Variants in ATAD2B observed in about 807,000 individuals in gnomAD.
ATAD2B encodes ATPase family AAA domain-containing protein 2B.
A neutral mutation model predicts 167.6 loss-of-function variants in ATAD2B; 40 were observed. The observed-to-expected ratio is 0.24, with a 90% CI of 0.19 to 0.31. The LOEUF is 0.31. Among genes scored for constraint, ATAD2B ranks in the 10% least tolerant of loss-of-function variants. ATAD2B has a pLI of 1.00. For synonymous variants in ATAD2B, 579 were observed against 596.5 expected (o/e 0.97, Z 0.43); for missense variants, 1,242 against 1,757.2 (o/e 0.71, Z 5.24).
chr2:23,680,511 C>T, the ATAD2B span, among the ~76,000 whole-genome samples: 5 of 152,294 alleles, frequency 3.3e-5, no homozygotes, highest in Non-Finnish European at 4.4e-5. The surrounding 1 kb of genome is among the most constrained non-coding windows in gnomAD (Gnocchi z 4.1). Context: ...CCTCTGGGGC[C>T]GACCAACAGG....
In ATAD2B at chr2:23,782,932, G is replaced by A. The variant is rs771762625; in HGVS notation, c.3070C>T (p.Leu1024=). The part of the protein sequence containing the change: ...KHNYLTAKDF[L]KDIDLICSNA... ...CTACAGATGAGGTCAATATCTTTCA[G>A]GAAATCCTTTGCAGTCAGGTAATTA... The change falls in exon 22 of 28, where the codon CTG becomes TTG. Residue 1024 remains leucine, a synonymous_variant. Coordinates refer to ENST00000238789, the MANE Select transcript of ATAD2B (RefSeq NM_017552.4). 3 of 1,611,744 alleles carry A rather than the reference G, an allele frequency of 1.9e-6. No individual in the cohort carries two copies. Among genetic ancestry groups the A allele is most frequent in the South Asian group, 2.2e-5 (2 of 90,940 alleles).
At chr2:23,808,079 A>AATTATATATATAATTATATATATAAGTC in intron 18 of ATAD2B, among the ~76,000 whole-genome samples, 1 of 134,514 alleles carries the variant, frequency 7.4e-6, no homozygotes, top group Non-Finnish European at 1.6e-5. Flanking sequence ...ATATATAAGT[A>AATTATATATATAATTATATATATAAGTC]ATTATATATA....
At chr2:23,761,515 G>A (rs926286599) in intron 24 of ATAD2B, among the ~76,000 whole-genome samples, 2 of 152,236 alleles carry the variant, frequency 1.3e-5, no homozygotes, top group East Asian at 3.9e-4. Context: ...AACACTTCTG[G>A]GTCCCAAGCA....
At chr2:23,682,389 C>G in the ATAD2B span, among the ~76,000 whole-genome samples, 1 of 152,156 alleles carries the variant, frequency 6.6e-6, no homozygotes, top group African/African-American at 2.4e-5. The surrounding 1 kb of genome is among the most constrained non-coding windows in gnomAD (Gnocchi z 4.1). Context: ...TGCAGGTTCA[C>G]CCTCAGGTCT....
Position 23,863,371 on chromosome 2 carries a change from T to C in ATAD2B, c.1479+10A>G. The C allele has an allele frequency of 6.5e-7, 1 of 1,546,636 alleles. No homozygotes were observed. The highest frequency in any genetic ancestry group is 1.2e-5 in the South Asian group (1 of 82,994). On this transcript the variant is annotated intron_variant, in intron 12 of 27. Coordinates refer to ENST00000238789, the MANE Select transcript of ATAD2B (RefSeq NM_017552.4). ...CAGAAAAGACTCTTGAATTAGATGA[T>C]TTCTCTTACCTGATCAAAAAGAAGC...
At chr2:23,903,950 G>C (rs1701151076) in intron 1 of ATAD2B, among the ~76,000 whole-genome samples, 1 of 152,082 alleles carries the variant, frequency 6.6e-6, no homozygotes. Flanking sequence ...TGGTGGTGGT[G>C]GTGGTGGTGG....
chr2:23,727,853 AG>A, the ATAD2B span, among the ~76,000 whole-genome samples: 1 of 152,342 alleles, frequency 6.6e-6, no homozygotes. Context: ...GTAACATTCT[AG>A]AAAGACAAAA....
the ATAD2B span, among the ~76,000 whole-genome samples, chr2:23,709,750 T>C: frequency 2.6e-5 from 4 of 152,090 alleles, no homozygotes; most frequent in African/African-American, 7.2e-5. Context: ...CAAATAAATA[T>C]TTGCAGTGAT....
At chr2:23,888,234 C>T in intron 3 of ATAD2B, 116 bp downstream of exon 3, 2 of 772,664 alleles carry the variant, frequency 2.6e-6, no homozygotes, top group Middle Eastern at 2.9e-4. Flanking sequence ...GAAATTCAGC[C>T]ATTTCCAACT....
rs1704426433 is a variant in ATAD2B, at chr2:23,924,472, T to A, written c.216+2083A>T. On this transcript the variant is annotated intron_variant, in intron 1 of 27. Coordinates refer to ENST00000238789, the MANE Select transcript of ATAD2B (RefSeq NM_017552.4). ...ACTGGAGAAGAGCTAACCAGAAATA[T>A]ACAACCTGCTTCATAAATATATAGT... 2.6e-5 allele frequency among the ~76,000 whole-genome samples: 4 copies of A among 152,268 alleles called. No homozygotes were observed. In the South Asian group the frequency reaches 8.3e-4, roughly 32 times the overall value.
chr2:23,731,113 T>C, the ATAD2B span, among the ~76,000 whole-genome samples: 5 of 152,156 alleles, frequency 3.3e-5, no homozygotes, highest in Admixed American at 1.3e-4. Flanking sequence ...AGCATCATAA[T>C]AGCAATGCAT....
the ATAD2B span, among the ~76,000 whole-genome samples, chr2:23,729,573 A>AT: frequency 6.6e-6 from 1 of 152,176 alleles, no homozygotes; most frequent in Non-Finnish European, 1.5e-5. Context: ...GTTTTATGGA[A>AT]TAAGATGTTA....
chr2:23,770,040 T>C (rs1678077570), intron 22 of ATAD2B, among the ~76,000 whole-genome samples: 1 of 151,594 alleles, frequency 6.6e-6, no homozygotes, highest in Admixed American at 6.6e-5. Flanking sequence ...CCGGACACAG[T>C]AGCTCACATC....
intron 2 of ATAD2B, among the ~76,000 whole-genome samples, chr2:23,895,129 C>G (rs1184644396): frequency 6.6e-6 from 1 of 151,902 alleles, no homozygotes; most frequent in Non-Finnish European, 1.5e-5. Flanking sequence ...TTTAAAGAAC[C>G]CTTTAGTTCC....
downstream of ATAD2B, among the ~76,000 whole-genome samples, chr2:23,746,444 T>G (rs1051707957): frequency 2.6e-5 from 4 of 152,222 alleles, no homozygotes; most frequent in African/African-American, 9.7e-5. Context: ...AAACGTGATA[T>G]AAGTATGTTA....
At chr2:23,881,844 C>A (rs1055736633) in intron 6 of ATAD2B, among the ~76,000 whole-genome samples, 4 of 152,190 alleles carry the variant, frequency 2.6e-5, no homozygotes, top group Admixed American at 2.0e-4. Flanking sequence ...CTGCCTCAGC[C>A]TCCTGAGTAG....
At chr2:23,747,531 T>C (rs2149282115), downstream of ATAD2B, among the ~76,000 whole-genome samples, 1 of 152,158 alleles carries the variant, frequency 6.6e-6, no homozygotes, top group South Asian at 2.1e-4. Flanking sequence ...ATGCCAACTT[T>C]CTCTGAAGTC....
intron 20 of ATAD2B, among the ~76,000 whole-genome samples, chr2:23,786,697 G>C (rs963422608): frequency 6.6e-6 from 1 of 152,004 alleles, no homozygotes; most frequent in Non-Finnish European, 1.5e-5. Flanking sequence ...GTAAAAATTT[G>C]CACAGAAACA....
chr2:23,920,381 G>A (rs1703734370), intron 1 of ATAD2B, among the ~76,000 whole-genome samples: 1 of 152,148 alleles, frequency 6.6e-6, no homozygotes, highest in South Asian at 2.1e-4. Flanking sequence ...CTTCTCATAT[G>A]CATACCATGT....
Sources: allele counts gnomAD v4.1 joint callset (sites outside exome capture counted in the v4.1 genomes callset), GRCh38; gene constraint gnomAD v4.1.1; non-coding constraint Gnocchi (gnomAD v3.1); transcripts MANE v1.5; gene names NCBI Gene and HGNC (gene_info 2026-07-23, HGNC 2026-07-21).